LTBP1: variants seen among roughly 807,000 people sequenced by gnomAD.
The protein encoded by LTBP1 is latent transforming growth factor beta binding protein 1.
LTBP1 carries 129 observed loss-of-function variants against 207.6 expected under a neutral mutation model. The observed-to-expected ratio is 0.62, with a 90% CI of 0.54 to 0.72. The LOEUF is 0.72. LTBP1 is among the 30% of genes least tolerant of loss of function. The probability of loss-of-function intolerance (pLI) is 0.00; values close to 1 mark genes in which losing one functional copy is unlikely to be tolerated. For missense variants in LTBP1, 2,281 were observed against 2,217.2 expected (o/e 1.03, Z -0.58); for synonymous variants, 963 against 833.7 (o/e 1.16, Z -2.67).
At position 33,343,997 on chromosome 2, in the gene LTBP1, TGAG is replaced by T. The variant is rs2094667305; in HGVS notation, c.3856+1038_3856+1040del. 3.9e-5 allele frequency among the ~76,000 whole-genome samples: 6 copies of T among 152,350 alleles called. No homozygotes were observed. In the South Asian group the frequency reaches 1.2e-3, roughly 32 times the overall value. On this transcript the variant is annotated intron_variant, in intron 25 of 33. Transcript: ENST00000404816. ...TGTTCACTACATGGCAGGTGGAACT[TGAG>T]GAGTCTATTGCCTATTTGGTTTGAA...
chr2:33,145,926 C>A (rs2082996245), intron 5 of LTBP1, among the ~76,000 whole-genome samples: 1 of 152,208 alleles, frequency 6.6e-6, no homozygotes, highest in Admixed American at 6.5e-5. Flanking sequence ...ACTGACTCTG[C>A]TGTTCATACA....
intron 7 of LTBP1, among the ~76,000 whole-genome samples, chr2:33,199,120 A>C (rs977012346): frequency 3.7e-4 from 57 of 152,100 alleles, no homozygotes; most frequent in African/African-American, 1.4e-3. Context: ...GTTGGTTTCA[A>C]AGAACATCTT....
At chr2:33,296,107 C>G (rs900459275) in intron 20 of LTBP1, among the ~76,000 whole-genome samples, 1 of 152,168 alleles carries the variant, frequency 6.6e-6, no homozygotes, top group African/African-American at 2.4e-5. Context: ...ATTTCTTCCC[C>G]CATACACTGG....
chr2:33,329,977 G>A (rs2094475219), intron 24 of LTBP1, among the ~76,000 whole-genome samples: 1 of 151,912 alleles, frequency 6.6e-6, no homozygotes, highest in Non-Finnish European at 1.5e-5. Flanking sequence ...GGGAGGTTTG[G>A]CATTTTACAG....
chr2:33,189,232 G>T (rs1049607544), intron 7 of LTBP1, among the ~76,000 whole-genome samples: 3 of 152,178 alleles, frequency 2.0e-5, no homozygotes, highest in Non-Finnish European at 2.9e-5. Context: ...GTCTCACTCT[G>T]TTGCCCAGGC....
At chr2:33,373,888 C>A (rs1041994055) in intron 31 of LTBP1, among the ~76,000 whole-genome samples, 2 of 152,148 alleles carry the variant, frequency 1.3e-5, no homozygotes, top group Non-Finnish European at 2.9e-5. Flanking sequence ...AATAAATTCA[C>A]CATTTGCTGT....
rs1196428456 is a variant in LTBP1 at position 33,277,763 on chromosome 2, T to TTCTTTCTTTCTTTCTTTCTTTC, written c.2992+1842_2992+1863dup. On this transcript the variant is annotated intron_variant, in intron 18 of 33. Coordinates refer to ENST00000404816, the MANE Select transcript of LTBP1 (RefSeq NM_206943.4). Reference sequence around the variant, plus strand: ...GTCAAATACTGATTTTTTTTTCCCTTTCTTTCTTTCTTTCTTTCTTTCTTT... The same window carrying TTCTTTCTTTCTTTCTTTCTTTC: ...GTCAAATACTGATTTTTTTTTCCCTTTCTTTCTTTCTTTCTTTCTTTCTCTTTCTTTCTTTCTTTCTTTCTTT... 1.5e-3 allele frequency among the ~76,000 whole-genome samples: 43 copies of TTCTTTCTTTCTTTCTTTCTTTC among 27,838 alleles called. 1 individual carries two copies. The highest frequency in any genetic ancestry group is 3.6e-3 in the African/African-American group (40 of 11,048). The allele number at this position is 27,838 out of a possible 152,430, so 18.3% of individuals were successfully genotyped here.
Position 33,365,511 on chromosome 2 carries a change from C to T in LTBP1, c.4711+8C>T, listed in dbSNP as rs745592362. 8 of 1,611,276 alleles carry T rather than the reference C, an allele frequency of 5.0e-6. No individual in the cohort carries two copies. Among genetic ancestry groups the T allele is most frequent in the Non-Finnish European group, 6.8e-6 (8 of 1,178,620 alleles). The stretch of plus-strand genomic sequence containing the variant: ...GCCCCCTGAAGGATTCAGGTGAGCC[C>T]ATATCCAATTCCTTCTGCAGGAGGC... On this transcript the variant is annotated splice_region_variant and intron_variant, in intron 31 of 33. Transcript: ENST00000404816.
chr2:33,038,961 TC>T (rs1175375875), intron 3 of LTBP1, among the ~76,000 whole-genome samples: 2 of 152,198 alleles, frequency 1.3e-5, no homozygotes, highest in Admixed American at 1.3e-4. Context: ...GCCTGGGACA[TC>T]TGCGCTCAGG....
At chr2:32,959,611 ATATATATATAT>A (rs1372014603) in intron 2 of LTBP1, among the ~76,000 whole-genome samples, 7 of 30,286 alleles carry the variant, frequency 2.3e-4, no homozygotes, top group Admixed American at 5.0e-4. Flanking sequence ...ATATATATAT[ATATATATATAT>A]TTTTTTTTTT....
At chr2:33,375,349 G>A (rs756426771) in intron 31 of LTBP1, among the ~76,000 whole-genome samples, 1 of 152,156 alleles carries the variant, frequency 6.6e-6, no homozygotes, top group African/African-American at 2.4e-5. Flanking sequence ...CTTTGAAAGG[G>A]GCCAAGAATC....
intron 3 of LTBP1, among the ~76,000 whole-genome samples, chr2:33,039,321 A>T (rs924029999): frequency 5.3e-5 from 8 of 151,926 alleles, no homozygotes; most frequent in Admixed American, 5.2e-4. Context: ...ACCAAAACCC[A>T]TAATTGTTCT....
chr2:33,385,078 C>T (rs985937946), intron 31 of LTBP1, among the ~76,000 whole-genome samples: 1 of 152,166 alleles, frequency 6.6e-6, no homozygotes, highest in African/African-American at 2.4e-5. Flanking sequence ...CAGTTTTTCC[C>T]CTGTACTTTG....
intron 3 of LTBP1, among the ~76,000 whole-genome samples, chr2:33,058,226 A>G (rs1362412810): frequency 6.6e-6 from 1 of 152,268 alleles, no homozygotes; most frequent in Non-Finnish European, 1.5e-5. Flanking sequence ...TATAAAAGTA[A>G]TAAACATTGA....
chr2:33,217,338 A>G (rs187422167), intron 7 of LTBP1, among the ~76,000 whole-genome samples: 2 of 152,244 alleles, frequency 1.3e-5, no homozygotes, highest in African/African-American at 4.8e-5. Flanking sequence ...GAAAAACATC[A>G]AGGTGCTCCC....
At chr2:33,282,272 G>A (rs938280355) in intron 19 of LTBP1, among the ~76,000 whole-genome samples, 3 of 151,964 alleles carry the variant, frequency 2.0e-5, no homozygotes, top group Non-Finnish European at 4.4e-5. Context: ...GTTAAATGGA[G>A]GCAGTGTCCT....
rs2150071631 is a variant in LTBP1 at position 33,363,434 on chromosome 2, G to A, written c.4315G>A (p.Gly1439Ser). The A allele has an allele frequency of 6.2e-7, 1 of 1,613,840 alleles. No individual in the cohort carries two copies. The highest frequency in any genetic ancestry group is 8.5e-7 in the Non-Finnish European group (1 of 1,179,820). Residue 1439 changes from glycine to serine, a missense_variant, in exon 29 of 34, where the codon GGT (glycine) becomes AGT (serine). Around this residue, in one of 3 missense-constraint regions of LTBP1, gnomAD observed 1,671 missense variants for 1,634.8 expected, o/e 1.02. Coordinates refer to ENST00000404816, the MANE Select transcript of LTBP1 (RefSeq NM_206943.4). ...LLFGQEICKNGFCLNTRPGYE... is the reference protein window; with the variant it reads ...LLFGQEICKNSFCLNTRPGYE... ...TTTTGGACAAGAAATCTGCAAAAAT[G>A]GTTTCTGTTTGAACACTCGGCCTGG...
intron 25 of LTBP1, among the ~76,000 whole-genome samples, chr2:33,344,508 A>G (rs1264579960): frequency 6.6e-6 from 1 of 152,092 alleles, no homozygotes; most frequent in African/African-American, 2.4e-5. Flanking sequence ...TGCTGGGAAT[A>G]TCCTCCTGAC....
intron 3 of LTBP1, among the ~76,000 whole-genome samples, chr2:33,074,977 G>C (rs987559761): frequency 2.4e-4 from 36 of 152,160 alleles, no homozygotes; most frequent in African/African-American, 8.7e-4. Flanking sequence ...TTTGAATCTG[G>C]GAGGCGGAGG....
Sources: allele counts gnomAD v4.1 joint callset (sites outside exome capture counted in the v4.1 genomes callset), GRCh38; gene constraint gnomAD v4.1.1; regional missense constraint gnomAD v4.1.1; transcripts MANE v1.5; gene names NCBI Gene and HGNC (gene_info 2026-07-23, HGNC 2026-07-21).